RNASEH1: variants seen among roughly 807,000 people sequenced by gnomAD.
RNASEH1 encodes ribonuclease H1.
Under a neutral mutation model 34.6 loss-of-function variants are expected in RNASEH1, and 27 were observed. The ratio of observed to expected loss-of-function variants is 0.78; its 90% CI spans 0.58 to 1.08. The LOEUF is 1.08. RNASEH1 is among the 50% of genes least tolerant of loss of function. The pLI, the probability that RNASEH1 is intolerant of heterozygous loss-of-function variation, is 0.00. For missense variants in RNASEH1, 349 were observed against 373.6 expected (o/e 0.93, Z 0.54); for synonymous variants, 162 against 138.4 (o/e 1.17, Z -1.20).
At chr2:3,537,378 T>C (rs1484687915), downstream of RNASEH1, among the ~76,000 whole-genome samples, 1 of 152,112 alleles carries the variant, frequency 6.6e-6, no homozygotes, top group African/African-American at 2.4e-5. Flanking sequence ...TCGAATATTT[T>C]TTATCAAATA....
chr2:3,549,165 T>C, intron 4 of RNASEH1, 53 bp from the exon 5 acceptor site: 1 of 1,313,896 alleles, frequency 7.6e-7, no homozygotes, highest in Non-Finnish European at 1.1e-6. Context: ...ATTCTCAAAG[T>C]GATTCTTCTT....
chr2:3,545,883 A>G lies in RNASEH1; in HGVS notation c.775-12T>C. The G allele has an allele frequency of 6.3e-7, 1 of 1,586,390 alleles. No individual in the cohort carries two copies. The highest frequency in any genetic ancestry group is 2.2e-5 in the East Asian group (1 of 44,750). ...CCAGGAACATGCATCTGTTAAGATA[A>G]ATGTTTTCCTTTTATTTTTACTCAT... is the stretch of plus-strand genomic sequence containing the variant. On this transcript the variant is annotated splice_polypyrimidine_tract_variant and intron_variant, in intron 7 of 7. Coordinates refer to ENST00000315212, the MANE Select transcript of RNASEH1 (RefSeq NM_002936.6).
intron 5 of RNASEH1, 100 bp downstream of exon 5, chr2:3,548,958 T>C: frequency 9.8e-7 from 1 of 1,017,950 alleles, no homozygotes; most frequent in South Asian, 1.4e-5. Context: ...TCTCTTCAAA[T>C]ATCTTATATG....
Position 3,549,098 on chromosome 2 carries a change from C to G in RNASEH1, c.524G>C (p.Arg175Thr), listed in dbSNP as rs1162393448. The G allele has an allele frequency of 6.2e-7, 1 of 1,613,198 alleles. No individual in the cohort carries two copies. The highest frequency in any genetic ancestry group is 8.5e-7 in the Non-Finnish European group (1 of 1,179,204). The change falls in exon 5 of 8, where the codon AGA becomes ACA. Residue 175 changes from arginine (R) to threonine (T), a missense_variant. Transcript: ENST00000315212. The part of the protein sequence containing the change: ...GPGHPLNVGI[R>T]LPGRQTNQRA... ...TTGGTTTGTCTGCCGCCCAGGAAGTCTAATGCCTACATTTCTGTTTCAAAA... is the reference window on the plus strand; with the variant it reads ...TTGGTTTGTCTGCCGCCCAGGAAGTGTAATGCCTACATTTCTGTTTCAAAA...
chr2:3,552,289 T>G lies in RNASEH1; in HGVS notation c.264A>C (p.Gly88=). 1 of 1,613,626 alleles carries G rather than the reference T, an allele frequency of 6.2e-7. No homozygotes were observed. The highest frequency in any genetic ancestry group is 2.2e-5 in the East Asian group (1 of 44,888). The change falls in exon 3 of 8, where the codon GGA becomes GGC. Residue 88 remains glycine, a synonymous_variant. Transcript: ENST00000315212. ...TGCTGGCTTTCGCCTCCGATTCTTGTCCATGTTGATTTTCATGCCCTGAAA... is the reference window on the plus strand; with the variant it reads ...TGCTGGCTTTCGCCTCCGATTCTTGGCCATGTTGATTTTCATGCCCTGAAA... The part of the protein sequence containing the change: ...EVSEGHENQH[G]QESEAKASKR...
intron 2 of RNASEH1, among the ~76,000 whole-genome samples, chr2:3,554,565 T>C (rs2147770139): frequency 6.6e-6 from 1 of 152,332 alleles, no homozygotes; most frequent in African/African-American, 2.4e-5. Flanking sequence ...ATCTGAATCA[T>C]TAAAGGCACT....
intron 2 of RNASEH1, 62 bp from the exon 3 acceptor site, chr2:3,552,370 A>G: frequency 6.8e-7 from 1 of 1,476,904 alleles, no homozygotes; most frequent in Non-Finnish European, 9.3e-7. Context: ...ATGCTAGAGA[A>G]TGAAGACATT....
At chr2:3,553,685 C>G (rs564292374) in intron 2 of RNASEH1, among the ~76,000 whole-genome samples, 2 of 152,140 alleles carry the variant, frequency 1.3e-5, no homozygotes, top group Non-Finnish European at 2.9e-5. Flanking sequence ...CCGCTGCGCC[C>G]GGCCCCAAAG....
chr2:3,555,169 T>A (rs1427513408), intron 2 of RNASEH1, among the ~76,000 whole-genome samples: 1 of 152,164 alleles, frequency 6.6e-6, no homozygotes, highest in Non-Finnish European at 1.5e-5. Flanking sequence ...TCTGTGCTCA[T>A]CGGTCTCCTC....
chr2:3,553,426 C>G (rs1024937629), intron 2 of RNASEH1, among the ~76,000 whole-genome samples: 5 of 151,204 alleles, frequency 3.3e-5, no homozygotes, highest in African/African-American at 1.2e-4. Flanking sequence ...GAGTCTTGCT[C>G]TGTGCCCAAG....
chr2:3,552,388 T>C (rs1263923168), intron 2 of RNASEH1, 80 bp from the exon 3 acceptor site: 2 of 1,365,980 alleles, frequency 1.5e-6, no homozygotes, highest in Non-Finnish European at 2.0e-6. Context: ...ATTCAGTAAA[T>C]TATTTAGTAT....
chr2:3,550,863 C>T (rs954995149), intron 3 of RNASEH1, among the ~76,000 whole-genome samples: 7 of 152,214 alleles, frequency 4.6e-5, no homozygotes, highest in Admixed American at 2.0e-4. Context: ...ATGACGGTGA[C>T]CCTGCCTGCC....
chr2:3,547,917 T>G lies in RNASEH1; in HGVS notation c.774+14A>C. The G allele has an allele frequency of 6.2e-7, 1 of 1,613,580 alleles. No homozygotes were observed. Among genetic ancestry groups the G allele is most frequent in the African/African-American group, 1.3e-5 (1 of 75,032 alleles). Reference sequence around the variant, plus strand: ...TCATAATGGCCATAGGACATGAACATTTAAGATACTCACCCACTGAATGTC... The same window carrying G: ...TCATAATGGCCATAGGACATGAACAGTTAAGATACTCACCCACTGAATGTC... On this transcript the variant is annotated intron_variant, in intron 7 of 7. Transcript: ENST00000315212.
chr2:3,542,499 A>C lies in RNASEH1; in HGVS notation c.*3286T>G, dbSNP rs1668386583. Among the ~76,000 whole-genome samples the C allele has an allele frequency of 6.6e-6, 1 of 152,224 alleles. No homozygotes were observed. Among genetic ancestry groups the C allele is most frequent in the African/African-American group, 2.4e-5 (1 of 41,460 alleles). ...CAGCAAAACTGAATTCAACATCAGA[A>C]ACTCAAGGAATACTGTCCCCAAGAT... On this transcript the variant is annotated 3_prime_UTR_variant, in exon 8 of 8. Coordinates refer to ENST00000315212, the MANE Select transcript of RNASEH1 (RefSeq NM_002936.6).
chr2:3,558,293 TC>T lies in RNASEH1; in HGVS notation c.-34del, dbSNP rs1271122773. 8.6e-6 allele frequency: 13 copies of T among 1,509,662 alleles called. No homozygotes were observed. Among genetic ancestry groups the T allele is most frequent in the Non-Finnish European group, 1.1e-5 (13 of 1,133,446 alleles). The allele number at this position is 1,509,662 out of a possible 1,614,324, so 93.5% of individuals were successfully genotyped here. On this transcript the variant is annotated 5_prime_UTR_variant, in exon 1 of 8. Coordinates refer to ENST00000315212, the MANE Select transcript of RNASEH1 (RefSeq NM_002936.6). Reference sequence around the variant, plus strand: ...TCCCGGCACCGGGAAGCATTTCGACTCCCGGCCCAGCGTGGGCGCGAGCCGC... The same window carrying T: ...TCCCGGCACCGGGAAGCATTTCGACTCCGGCCCAGCGTGGGCGCGAGCCGC...
chr2:3,548,970 A>G (rs1669022088), intron 5 of RNASEH1, 88 bp downstream of exon 5: 1 of 1,078,690 alleles, frequency 9.3e-7, no homozygotes, highest in Admixed American at 2.0e-5. Context: ...TCTTATATGT[A>G]TAGGTAGAAA....
At position 3,545,607 on chromosome 2, in the gene RNASEH1, T is replaced by C; in HGVS notation, c.*178A>G. On this transcript the variant is annotated 3_prime_UTR_variant, in exon 8 of 8. Coordinates refer to ENST00000315212, the MANE Select transcript of RNASEH1 (RefSeq NM_002936.6). ...TCTCAAAGATGTTCAATTTATTATA[T>C]ACTTAACCATTTTTTATAAACACAT... 1 of 602,148 alleles carries C rather than the reference T, an allele frequency of 1.7e-6. No homozygotes were observed. The highest frequency in any genetic ancestry group is 2.0e-5 in the South Asian group (1 of 49,484). 37.3% of individuals were successfully genotyped at this position (602,148 alleles called of 1,614,324 possible). A position where few individuals can be genotyped will look rare whatever the true frequency, so the allele number is the denominator to read the frequency against.
Position 3,556,911 on chromosome 2 carries a change from A to G in RNASEH1, c.129-7T>C, listed in dbSNP as rs756975403. On this transcript the variant is annotated splice_region_variant and splice_polypyrimidine_tract_variant and intron_variant, in intron 1 of 7. Transcript: ENST00000315212. ...CTGTGCTCTGCACTCATTCCTGGAAAAGATGTGCAATGTTATTTCCTTCTT... is the reference window on the plus strand; with the variant it reads ...CTGTGCTCTGCACTCATTCCTGGAAGAGATGTGCAATGTTATTTCCTTCTT... 3 of 1,587,420 alleles carry G rather than the reference A, an allele frequency of 1.9e-6. 1 individual carries two copies. The highest frequency in any genetic ancestry group is 2.6e-6 in the Non-Finnish European group (3 of 1,155,794).
the RNASEH1 span, among the ~76,000 whole-genome samples, chr2:3,532,763 T>G: frequency 6.6e-6 from 1 of 152,174 alleles, no homozygotes; most frequent in Non-Finnish European, 1.5e-5. Flanking sequence ...TGTAAAGAAT[T>G]TAGTGAAAGT....
Sources: gnomAD v4.1 joint callset for allele counts (sites outside exome capture counted in the v4.1 genomes callset) on GRCh38, gnomAD v4.1.1 for gene constraint, MANE v1.5 for transcripts, NCBI Gene and HGNC (gene_info 2026-07-23, HGNC 2026-07-21) for gene names.